Variants in ZNF683 observed in about 807,000 individuals in gnomAD.
ZNF683 encodes the protein zinc finger protein 683.
ZNF683 carries 20 observed loss-of-function variants against 31.4 expected under a neutral mutation model. That is an observed-to-expected ratio of 0.64 (90% confidence interval 0.45 to 0.93). The LOEUF is 0.93. Among genes scored for constraint, ZNF683 ranks in the 40% least tolerant of loss-of-function variants. ZNF683 has a pLI of 0.00. For synonymous variants in ZNF683, 264 were observed against 267.6 expected (o/e 0.99, Z 0.13); for missense variants, 621 against 637.2 (o/e 0.97, Z 0.27).
upstream of ZNF683, chr1:26,374,324 T>C (rs906441108): frequency 1.0e-5 from 13 of 1,304,032 alleles, no homozygotes; most frequent in Non-Finnish European, 1.1e-5. Context: ...CATCACACTC[T>C]GCTCCCAGCT....
chr1:26,371,923 C>A lies in ZNF683; in HGVS notation c.-15+746G>T, dbSNP rs149436071. On this transcript the variant is annotated intron_variant, in intron 1 of 5. Coordinates refer to ENST00000349618, the MANE Select transcript of ZNF683 (RefSeq NM_001114759.3). The stretch of plus-strand genomic sequence containing the variant: ...CTCCAGCCTGGGTGACAGAGCGAGA[C>A]CCTGTCTTAAAAAAAGTTAATAAAT... 1.5e-4 allele frequency among the ~76,000 whole-genome samples: 23 copies of A among 152,198 alleles called. No homozygotes were observed. In the East Asian group the frequency reaches 4.4e-3, roughly 29 times the overall value.
At chr1:26,367,297 C>A (rs1263223343) in intron 3 of ZNF683, among the ~76,000 whole-genome samples, 2 of 151,908 alleles carry the variant, frequency 1.3e-5, no homozygotes, top group Non-Finnish European at 2.9e-5. Context: ...AAACACCTCT[C>A]TAAGCAGACA....
At chr1:26,374,500 G>A (rs1018530561), upstream of ZNF683, 4 of 1,158,110 alleles carry the variant, frequency 3.5e-6, no homozygotes, top group African/African-American at 6.5e-5. Context: ...AGAAGCCTCT[G>A]CCTGCCAAGC....
Position 26,367,790 on chromosome 1 carries a change from G to A in ZNF683, c.122C>T (p.Ser41Leu). ...FQLFRGDQVF[S>L]ACRPLPDMVD... ...CATGTCTGGAAGTGGTCTGCAGGCT[G>A]AGAAGACCTGGAGGGCAGGGGCAAG... Residue 41 changes from serine to leucine, a missense_variant, in exon 3 of 6, where the codon TCA (serine) becomes TTA (leucine). Ser to Leu is a moderately radical substitution (Grantham distance 145, BLOSUM62 -2). Transcript: ENST00000349618. 2 of 1,587,356 alleles carry A rather than the reference G, an allele frequency of 1.3e-6. No individual in the cohort carries two copies. The highest frequency in any genetic ancestry group is 1.7e-6 in the Non-Finnish European group (2 of 1,164,438).
intron 3 of ZNF683, among the ~76,000 whole-genome samples, chr1:26,366,124 G>T (rs1220208224): frequency 6.6e-6 from 1 of 151,940 alleles, no homozygotes; most frequent in Non-Finnish European, 1.5e-5. Flanking sequence ...AGATTGCGGT[G>T]AGCCGAGATC....
chr1:26,367,253 G>A (rs1570259915), intron 3 of ZNF683, among the ~76,000 whole-genome samples: 1 of 151,388 alleles, frequency 6.6e-6, no homozygotes, highest in East Asian at 2.0e-4. Flanking sequence ...GCAACAGAAC[G>A]AGACTCCATC....
chr1:26,362,053 G>C, intron 5 of ZNF683, 31 bp from the exon 6 acceptor site: 3 of 1,613,990 alleles, frequency 1.9e-6, no homozygotes. Context: ...CATCAGCTTT[G>C]TCCTCTGGGC....
intron 5 of ZNF683, 141 bp from the exon 6 acceptor site, chr1:26,362,163 G>T (rs539438453): frequency 1.9e-6 from 3 of 1,601,334 alleles, no homozygotes; most frequent in Non-Finnish European, 2.6e-6. Flanking sequence ...TTTCTTCCTG[G>T]AACCCACGGT....
At chr1:26,364,039 C>T (rs749619365) in intron 4 of ZNF683, among the ~76,000 whole-genome samples, 2 of 152,200 alleles carry the variant, frequency 1.3e-5, no homozygotes, top group African/African-American at 2.4e-5. Flanking sequence ...CCAATCGCAT[C>T]GGCGGTCGCG....
rs1392141914 is a variant in ZNF683 at position 26,363,035 on chromosome 1, G to A, written c.1134C>T (p.His378=). The change falls in exon 5 of 6, where the codon CAC becomes CAT. Residue 378 remains histidine (H), a synonymous_variant. Coordinates refer to ENST00000349618, the MANE Select transcript of ZNF683 (RefSeq NM_001114759.3). ...GGGAGAAGGATCTCACCGAGCACTT[G>A]TGGGGCCGCTCCCCAGTGTGCACCA... ...HHLVHTGERP[H]KCSVCHKRFS... 9.3e-6 allele frequency: 15 copies of A among 1,610,662 alleles called. No individual in the cohort carries two copies. Among genetic ancestry groups the A allele is most frequent in the African/African-American group, 1.3e-5 (1 of 74,862 alleles).
Position 26,371,035 on chromosome 1 carries a change from C to A in ZNF683, c.-15+1634G>T, listed in dbSNP as rs565201866. Among the ~76,000 whole-genome samples, 3 of 152,192 alleles carry A rather than the reference C, an allele frequency of 2.0e-5. 1 individual carries two copies. The South Asian group carries it at 6.2e-4, about 32-fold the overall frequency. On this transcript the variant is annotated intron_variant, in intron 1 of 5. Transcript: ENST00000349618. ...GACAGAGTAGGGCTCAAAGGCTGAA[C>A]AGGGGAGCCTTCTGTGGAGGGGAGC... is the stretch of plus-strand genomic sequence containing the variant.
chr1:26,361,900 C>A lies in ZNF683; in HGVS notation c.1266G>T (p.Lys422Asn). 6.2e-7 allele frequency: 1 copy of A among 1,614,008 alleles called. No individual in the cohort carries two copies. Among genetic ancestry groups the A allele is most frequent in the East Asian group, 2.2e-5 (1 of 44,886 alleles). Residue 422 changes from lysine to asparagine, a missense_variant, in exon 6 of 6, where the codon AAG (lysine) becomes AAT (asparagine). By Grantham distance (94) the Lys-to-Asn change is moderately conservative. Coordinates refer to ENST00000349618, the MANE Select transcript of ZNF683 (RefSeq NM_001114759.3). ...RSRFTQHIHL[K>N]LHHRLHAPQP... is the part of the protein sequence containing the mutation. ...GTGGGGCATGCAGCCGATGGTGCAG[C>A]TTCAGGTGGATGTGCTGGGTGAAGC...
chr1:26,365,359 C>A (rs1447786352), intron 3 of ZNF683, 133 bp from the exon 4 acceptor site: 5 of 954,922 alleles, frequency 5.2e-6, no homozygotes, highest in Non-Finnish European at 6.0e-6. Flanking sequence ...TAGTGCTGAA[C>A]AATTTCAGGG....
At chr1:26,371,840 G>T (rs1432912376) in intron 1 of ZNF683, among the ~76,000 whole-genome samples, 1 of 151,710 alleles carries the variant, frequency 6.6e-6, no homozygotes, top group Non-Finnish European at 1.5e-5. Context: ...GCTGAGGTGG[G>T]AGGATCACTT....
At chr1:26,372,849 G>T (rs2124222301), upstream of ZNF683, 2 of 1,173,022 alleles carry the variant, frequency 1.7e-6, no homozygotes, top group Middle Eastern at 3.9e-4. Context: ...CAAGACAGAT[G>T]ATCTGGGAGA....
intron 1 of ZNF683, among the ~76,000 whole-genome samples, chr1:26,369,652 A>G: frequency 6.6e-6 from 1 of 150,386 alleles, no homozygotes; most frequent in African/African-American, 2.4e-5. Flanking sequence ...TGGGTGACAG[A>G]GCAAGACTTT....
At chr1:26,367,546 C>T (rs768030621) in intron 3 of ZNF683, 47 bp downstream of exon 3, 1 of 1,486,082 alleles carries the variant, frequency 6.7e-7, no homozygotes, top group Non-Finnish European at 9.0e-7. Flanking sequence ...GCCCCCCACC[C>T]TCCAGCCTCT....
At chr1:26,366,741 C>T (rs891253439) in intron 3 of ZNF683, among the ~76,000 whole-genome samples, 12 of 152,100 alleles carry the variant, frequency 7.9e-5, no homozygotes, top group Admixed American at 5.2e-4. Flanking sequence ...CTGCAAGCTC[C>T]GCCTCCCAGG....
intron 1 of ZNF683, among the ~76,000 whole-genome samples, chr1:26,371,123 C>A (rs937214286): frequency 6.6e-6 from 1 of 152,030 alleles, no homozygotes; most frequent in Non-Finnish European, 1.5e-5. Context: ...CAGGTAGGGA[C>A]AGGAACAGGC....
Sources: allele counts gnomAD v4.1 joint callset (sites outside exome capture counted in the v4.1 genomes callset), GRCh38; gene constraint gnomAD v4.1.1; transcripts MANE v1.5; gene names NCBI Gene and HGNC (gene_info 2026-07-23, HGNC 2026-07-21).